The following CHRM2 variants were observed in gnomAD, a reference collection of about 807,000 sequenced individuals.
The protein encoded by CHRM2 is muscarinic acetylcholine receptor M2.
A neutral mutation model predicts 25.0 loss-of-function variants in CHRM2; 8 were observed. The observed-to-expected ratio is 0.32, with a 90% CI of 0.19 to 0.58. CHRM2 has a LOEUF of 0.58. CHRM2 is among the 20% of genes least tolerant of loss of function. The pLI is 0.88. For missense variants in CHRM2, 440 were observed against 567.1 expected (o/e 0.78, Z 2.28); for synonymous variants, 202 against 205.7 (o/e 0.98, Z 0.15).
chr7:136,926,347 T>C (rs1798750127), intron 2 of CHRM2, among the ~76,000 whole-genome samples: 1 of 152,212 alleles, frequency 6.6e-6, no homozygotes, highest in Non-Finnish European at 1.5e-5. Flanking sequence ...TGAGCACCTA[T>C]GACGTGTCAG....
At chr7:136,930,945 C>T (rs1419212046) in intron 2 of CHRM2, among the ~76,000 whole-genome samples, 1 of 138,456 alleles carries the variant, frequency 7.2e-6, no homozygotes, top group South Asian at 2.3e-4. Context: ...AAGATCCTTA[C>T]CACATATTAC....
At chr7:136,916,323 A>G (rs1396723939) in intron 2 of CHRM2, among the ~76,000 whole-genome samples, 1 of 151,898 alleles carries the variant, frequency 6.6e-6, no homozygotes. Context: ...TTTAAATAAT[A>G]TACTATCCTC....
At chr7:136,971,221 A>T (rs1041382423) in intron 2 of CHRM2, among the ~76,000 whole-genome samples, 1 of 152,214 alleles carries the variant, frequency 6.6e-6, no homozygotes, top group Non-Finnish European at 1.5e-5. Flanking sequence ...AAGCTAAAAT[A>T]GTTGTCCTCA....
chr7:136,881,627 A>T (rs1458204829), intron 2 of CHRM2, among the ~76,000 whole-genome samples: 2 of 152,024 alleles, frequency 1.3e-5, no homozygotes, highest in African/African-American at 4.8e-5. Flanking sequence ...TCATTTCAGT[A>T]CTTAGAAAAG....
At chr7:136,986,068 A>G (rs1802835237) in intron 2 of CHRM2, among the ~76,000 whole-genome samples, 1 of 152,236 alleles carries the variant, frequency 6.6e-6, no homozygotes, top group South Asian at 2.1e-4. Flanking sequence ...CCGTCCTATC[A>G]TCATCCCTCT....
intron 2 of CHRM2, among the ~76,000 whole-genome samples, chr7:136,986,651 T>A (rs1020637368): frequency 6.6e-6 from 1 of 152,192 alleles, no homozygotes; most frequent in Non-Finnish European, 1.5e-5. Context: ...TGACAATATT[T>A]ATCTTGTTAA....
chr7:136,967,438 A>G (rs1002344190), intron 2 of CHRM2, among the ~76,000 whole-genome samples: 1 of 152,068 alleles, frequency 6.6e-6, no homozygotes, highest in African/African-American at 2.4e-5. Context: ...AGATCTTAAC[A>G]TTATGGAAAA....
rs531136327 is a variant in CHRM2 at position 136,991,276 on chromosome 7, G to A, written c.-124-911G>A. On this transcript the variant is annotated intron_variant, in intron 2 of 3. Transcript: ENST00000680005. ...TTATAGCTTTGCATTTTACAATTAG[G>A]TCTTTGATCCACTTTGAGCTAATTT... Among the ~76,000 whole-genome samples, 5 of 152,208 alleles carry A rather than the reference G, an allele frequency of 3.3e-5. No individual in the cohort carries two copies. The East Asian group carries it at 9.6e-4, about 29-fold the overall frequency.
intron 2 of CHRM2, among the ~76,000 whole-genome samples, chr7:136,894,215 T>G (rs1796801732): frequency 6.6e-6 from 1 of 152,152 alleles, no homozygotes; most frequent in Non-Finnish European, 1.5e-5. Context: ...GACCACTCTA[T>G]GCACAAATGA....
At chr7:136,938,683 G>C in intron 2 of CHRM2, 2 of 778,876 alleles carry the variant, frequency 2.6e-6, no homozygotes, top group Non-Finnish European at 4.5e-6. Context: ...TGAAGGCCCA[G>C]GGGCCAGAGG....
chr7:136,872,632 C>T (rs1172300720), intron 2 of CHRM2, among the ~76,000 whole-genome samples: 1 of 152,098 alleles, frequency 6.6e-6, no homozygotes, highest in African/African-American at 2.4e-5. Flanking sequence ...AGACTGCTGG[C>T]AGGTAGGGAA....
chr7:136,981,400 A>G (rs998028875), intron 2 of CHRM2, among the ~76,000 whole-genome samples: 1 of 152,152 alleles, frequency 6.6e-6, no homozygotes, highest in African/African-American at 2.4e-5. Context: ...CAGCTCCTGG[A>G]TTCAATGAAT....
At chr7:136,888,412 C>T (rs1165897208) in intron 2 of CHRM2, among the ~76,000 whole-genome samples, 1 of 152,140 alleles carries the variant, frequency 6.6e-6, no homozygotes, top group Non-Finnish European at 1.5e-5. Context: ...AAGCAGTTGA[C>T]CTGTTGTTGT....
intron 2 of CHRM2, chr7:136,899,944 A>G (rs976989987): frequency 6.6e-6 from 1 of 152,088 alleles, no homozygotes; most frequent in Admixed American, 6.6e-5. Flanking sequence ...CTGGGGAAAA[A>G]TCAATATTGA....
chr7:136,929,405 G>A (rs1798932047), intron 2 of CHRM2, among the ~76,000 whole-genome samples: 1 of 151,944 alleles, frequency 6.6e-6, no homozygotes, highest in Admixed American at 6.6e-5. Flanking sequence ...TGCCAATTCA[G>A]GGGAGCTGAA....
At chr7:136,950,030 G>A (rs575936151) in intron 2 of CHRM2, among the ~76,000 whole-genome samples, 29 of 152,188 alleles carry the variant, frequency 1.9e-4, no homozygotes, top group African/African-American at 7.0e-4. Context: ...ATAATATTTT[G>A]TTGTTATTGC....
At chr7:136,939,298 CT>C (rs1294344928) in intron 2 of CHRM2, among the ~76,000 whole-genome samples, 1 of 152,184 alleles carries the variant, frequency 6.6e-6, no homozygotes, top group African/African-American at 2.4e-5. Context: ...AGCTATTTAA[CT>C]TGAAATTTCA....
At chr7:136,903,914 A>G (rs548338582) in intron 2 of CHRM2, among the ~76,000 whole-genome samples, 13 of 151,748 alleles carry the variant, frequency 8.6e-5, no homozygotes, top group Non-Finnish European at 1.2e-4. Context: ...ATTATCATAT[A>G]TATATATTTT....
chr7:136,893,244 T>G (rs1050508164), intron 2 of CHRM2, among the ~76,000 whole-genome samples: 1 of 152,100 alleles, frequency 6.6e-6, no homozygotes, highest in African/African-American at 2.4e-5. Flanking sequence ...TTTTCCCTAA[T>G]CCGGTGGTCT....
Sources: allele counts gnomAD v4.1 joint callset (sites outside exome capture counted in the v4.1 genomes callset), GRCh38; gene constraint gnomAD v4.1.1; transcripts MANE v1.5; gene names NCBI Gene and HGNC (gene_info 2026-07-23, HGNC 2026-07-21).